GRIP1: variants seen among roughly 807,000 people sequenced by gnomAD.
GRIP1 encodes the protein glutamate receptor-interacting protein 1.
GRIP1 carries 45 observed loss-of-function variants against 129.9 expected under a neutral mutation model. That is an observed-to-expected ratio of 0.35 (90% CI 0.27 to 0.44). The LOEUF (loss-of-function observed/expected upper bound fraction) is 0.44. Ranked by LOEUF, GRIP1 falls within the 20% of genes least tolerant of loss-of-function variation. The probability of loss-of-function intolerance (pLI) is 1.00; values close to 1 mark genes in which losing one functional copy is unlikely to be tolerated. For missense variants in GRIP1, 1,196 were observed against 1,396.8 expected, an observed-to-expected ratio of 0.86 and a Z score of 2.29; for synonymous variants, 530 against 520.8, an observed-to-expected ratio of 1.02 and a Z score of -0.24.
intron 1 of GRIP1, among the ~76,000 whole-genome samples, chr12:67,034,346 A>G (rs1187639848): frequency 6.6e-6 from 1 of 152,202 alleles, no homozygotes; most frequent in Non-Finnish European, 1.5e-5. Context: ...AACGACAGGG[A>G]TAAGTTCTAC....
intron 1 of GRIP1, among the ~76,000 whole-genome samples, chr12:66,785,772 A>G (rs189974226): frequency 6.6e-6 from 1 of 152,108 alleles, no homozygotes; most frequent in African/African-American, 2.4e-5. Flanking sequence ...ACAATCACAC[A>G]CTTAAGTAAC....
At chr12:66,879,498 A>G (rs1162983881) in intron 1 of GRIP1, among the ~76,000 whole-genome samples, 1 of 152,122 alleles carries the variant, frequency 6.6e-6, no homozygotes, top group Non-Finnish European at 1.5e-5. Context: ...ACCAAGCCAC[A>G]TAGGCTACAA....
intron 1 of GRIP1, among the ~76,000 whole-genome samples, chr12:66,617,904 C>T (rs2065114272): frequency 6.6e-6 from 1 of 151,742 alleles, no homozygotes; most frequent in South Asian, 2.1e-4. Context: ...AACTTACTCT[C>T]ATACATTTCA....
At chr12:66,730,699 T>TAA (rs1158887716) in intron 1 of GRIP1, among the ~76,000 whole-genome samples, 1 of 42,174 alleles carries the variant, frequency 2.4e-5, no homozygotes, top group African/African-American at 8.5e-5. Context: ...GAGGGTCATC[T>TAA]ACAAAAAAAA....
At chr12:66,453,708 A>G (rs1181630582) in intron 11 of GRIP1, among the ~76,000 whole-genome samples, 1 of 152,196 alleles carries the variant, frequency 6.6e-6, no homozygotes, top group East Asian at 1.9e-4. Context: ...ATTTTCAGTC[A>G]AGGCATACCT....
At chr12:66,355,305 A>G (rs911023909) in intron 23 of GRIP1, among the ~76,000 whole-genome samples, 3 of 151,938 alleles carry the variant, frequency 2.0e-5, no homozygotes, top group Non-Finnish European at 4.4e-5. Flanking sequence ...CACAGGATAG[A>G]GTGATAAAAA....
At chr12:66,453,807 C>T (rs1042267784) in intron 11 of GRIP1, among the ~76,000 whole-genome samples, 6 of 152,186 alleles carry the variant, frequency 3.9e-5, no homozygotes, top group Non-Finnish European at 5.9e-5. Flanking sequence ...CAGGGTCCTA[C>T]AGCTAGAAGG....
intron 1 of GRIP1, among the ~76,000 whole-genome samples, chr12:66,935,008 T>G (rs979012507): frequency 4.6e-5 from 7 of 152,218 alleles, no homozygotes; most frequent in Admixed American, 2.6e-4. Flanking sequence ...ATGCCATGTC[T>G]TCCAGAAAAG....
At chr12:66,841,057 T>C (rs2039706998) in intron 1 of GRIP1, among the ~76,000 whole-genome samples, 1 of 152,214 alleles carries the variant, frequency 6.6e-6, no homozygotes, top group Non-Finnish European at 1.5e-5. Flanking sequence ...TAAAAAATTA[T>C]TTGTTTTTTC....
Position 66,592,459 on chromosome 12 carries a change from G to T in GRIP1, c.136+4388C>A, listed in dbSNP as rs969521345. ...AAGAAATCCCACACAAACATTCATG[G>T]CATTATTCTGGATACAGATTTAAGA... On this transcript the variant is annotated intron_variant, in intron 2 of 24. Transcript: ENST00000359742. 2.6e-5 allele frequency among the ~76,000 whole-genome samples: 4 copies of T among 152,148 alleles called. No homozygotes were observed. In the East Asian group the frequency reaches 7.7e-4, roughly 29 times the overall value.
chr12:66,829,440 A>C (rs888793220), intron 1 of GRIP1, among the ~76,000 whole-genome samples: 6 of 152,194 alleles, frequency 3.9e-5, no homozygotes, highest in African/African-American at 9.7e-5. Context: ...CAGAACTCTA[A>C]GAGAAACAAT....
At chr12:66,719,566 T>C (rs189382800) in intron 1 of GRIP1, among the ~76,000 whole-genome samples, 1 of 152,318 alleles carries the variant, frequency 6.6e-6, no homozygotes, top group East Asian at 1.9e-4. Context: ...CAAAAGTACC[T>C]TATAACTCAT....
At chr12:66,706,778 A>T (rs1257170879) in intron 1 of GRIP1, among the ~76,000 whole-genome samples, 3 of 152,050 alleles carry the variant, frequency 2.0e-5, no homozygotes, top group Non-Finnish European at 4.4e-5. Context: ...AGAAAACCAA[A>T]CACCACATGC....
chr12:66,476,719 C>G (rs894337605), intron 7 of GRIP1, among the ~76,000 whole-genome samples: 6 of 152,084 alleles, frequency 3.9e-5, no homozygotes, highest in African/African-American at 1.4e-4. Flanking sequence ...AAGCCTGGTT[C>G]AACATACGCA....
chr12:66,492,885 C>T (rs1344804761), intron 7 of GRIP1, among the ~76,000 whole-genome samples: 1 of 152,092 alleles, frequency 6.6e-6, no homozygotes, highest in Non-Finnish European at 1.5e-5. Context: ...TGGCAGGCAT[C>T]TGTAATCCTA....
chr12:66,682,593 T>C (rs1273462932), upstream of GRIP1, among the ~76,000 whole-genome samples: 1 of 152,142 alleles, frequency 6.6e-6, no homozygotes, highest in Non-Finnish European at 1.5e-5. Flanking sequence ...CATAATCTTA[T>C]TCTAATTTTC....
intron 1 of GRIP1, among the ~76,000 whole-genome samples, chr12:66,728,344 C>T (rs553941493): frequency 2.6e-4 from 39 of 152,230 alleles, no homozygotes; most frequent in African/African-American, 8.2e-4. Flanking sequence ...AGGGCTGCAA[C>T]GGCTCATCAC....
In GRIP1 at chr12:66,740,227, T is replaced by C. The variant is rs114258526; in HGVS notation, c.-420+63826A>G. 2.5e-3 allele frequency among the ~76,000 whole-genome samples: 381 copies of C among 152,302 alleles called. 1 individual carries two copies. Among genetic ancestry groups the C allele is most frequent in the African/African-American group, 8.7e-3 (361 of 41,570 alleles). On this transcript the variant is annotated intron_variant, in intron 1 of 4. Coordinates refer to the GRIP1 transcript ENST00000538373. ...CTTGCAAAAATCACCGATTTTTCAT[T>C]CTGTCTGGCCTTCCTAGCCCCACTT... is the stretch of plus-strand genomic sequence containing the variant.
intron 1 of GRIP1, among the ~76,000 whole-genome samples, chr12:67,000,037 CAG>C (rs2042528098): frequency 6.6e-6 from 1 of 152,154 alleles, no homozygotes; most frequent in African/African-American, 2.4e-5. Context: ...CTACAGCTCA[CAG>C]AGTGACAGAT....
Sources: allele counts gnomAD v4.1 joint callset (sites outside exome capture counted in the v4.1 genomes callset), GRCh38; gene constraint gnomAD v4.1.1; transcripts MANE v1.5; gene names NCBI Gene and HGNC (gene_info 2026-07-23, HGNC 2026-07-21).